The following DNAJC1 variants were observed in gnomAD, a reference collection of about 807,000 sequenced individuals.
DNAJC1 encodes the protein dnaJ homolog subfamily C member 1.
DNAJC1 carries 58 observed loss-of-function variants against 76.6 expected under a neutral mutation model. The ratio of observed to expected loss-of-function variants is 0.76; its 90% CI spans 0.61 to 0.94. The LOEUF is 0.94. DNAJC1 is among the 40% of genes least tolerant of loss of function. The pLI, the probability that DNAJC1 is intolerant of heterozygous loss-of-function variation, is 0.00. For synonymous variants in DNAJC1, 258 were observed against 267.9 expected (o/e 0.96, Z 0.36); for missense variants, 689 against 677.3 (o/e 1.02, Z -0.19).
intron 8 of DNAJC1, among the ~76,000 whole-genome samples, chr10:21,819,121 G>A (rs1426013477): frequency 6.6e-6 from 1 of 152,142 alleles, no homozygotes; most frequent in Non-Finnish European, 1.5e-5. Context: ...AAAAGGTTTG[G>A]GCCAGGCGCG....
At chr10:21,889,062 A>T (rs1468351129) in intron 7 of DNAJC1, among the ~76,000 whole-genome samples, 1 of 152,190 alleles carries the variant, frequency 6.6e-6, no homozygotes, top group Non-Finnish European at 1.5e-5. Flanking sequence ...GGTAACTGAT[A>T]AAGAAAAGAG....
At chr10:21,891,857 T>A (rs1202094114) in intron 7 of DNAJC1, among the ~76,000 whole-genome samples, 1 of 152,016 alleles carries the variant, frequency 6.6e-6, no homozygotes, top group Non-Finnish European at 1.5e-5. Context: ...AGAAAATATA[T>A]TGGACAACAA....
intron 1 of DNAJC1, chr10:21,933,400 C>T (rs1837258134): frequency 6.6e-6 from 1 of 152,448 alleles, no homozygotes; most frequent in African/African-American, 2.4e-5. Context: ...GGCAGACAGA[C>T]TGAAAAGTGA....
intron 6 of DNAJC1, among the ~76,000 whole-genome samples, chr10:21,910,677 T>A (rs561662941): frequency 6.6e-6 from 1 of 151,772 alleles, no homozygotes; most frequent in South Asian, 2.1e-4. Flanking sequence ...GGGAAGAGGG[T>A]GAGCTTCAGG....
chr10:21,946,049 CTTTT>C (rs71510915), intron 1 of DNAJC1, among the ~76,000 whole-genome samples: 2 of 93,302 alleles, frequency 2.1e-5, no homozygotes, highest in African/African-American at 8.6e-5. Context: ...TTCTTTTCCT[CTTTT>C]TTTTTTTTTT....
At position 21,919,899 on chromosome 10, in the gene DNAJC1, T is replaced by G; in HGVS notation, c.568A>C (p.Lys190Gln). ...CTCTTGCTGCCAGTCTTTTTTTTCT[T>G]TTCTCTCTTTTTTCTACTTAGTAGT... ...DELLSRKKREKKKKTGSKSVD... is the reference protein window; with the variant it reads ...DELLSRKKREQKKKTGSKSVD... The change falls in exon 5 of 12, where the codon AAG becomes CAG. Residue 190 changes from lysine (K) to glutamine (Q), a missense_variant. By Grantham distance (53) the Lys-to-Gln change is moderately conservative. Transcript: ENST00000376980. 6.2e-7 allele frequency: 1 copy of G among 1,607,380 alleles called. No homozygotes were observed. Among genetic ancestry groups the G allele is most frequent in the Non-Finnish European group, 8.5e-7 (1 of 1,178,282 alleles).
chr10:21,853,824 A>G (rs908584041), intron 8 of DNAJC1, among the ~76,000 whole-genome samples: 4 of 146,178 alleles, frequency 2.7e-5, no homozygotes, highest in African/African-American at 7.7e-5. Context: ...AAAGACTATC[A>G]CTGGGGAAAC....
intron 7 of DNAJC1, among the ~76,000 whole-genome samples, chr10:21,891,501 G>GAAAAGA (rs1836462870): frequency 2.5e-5 from 3 of 118,486 alleles, no homozygotes; most frequent in African/African-American, 9.4e-5. Context: ...AAAAAGAAAA[G>GAAAAGA]AAAAAAAAAA....
intron 8 of DNAJC1, among the ~76,000 whole-genome samples, chr10:21,819,177 G>A (rs1274899925): frequency 6.6e-6 from 1 of 152,190 alleles, no homozygotes; most frequent in African/African-American, 2.4e-5. Flanking sequence ...GCCAAGGCAG[G>A]TGATCACGAG....
chr10:21,909,397 A>T (rs1366005579), intron 6 of DNAJC1, among the ~76,000 whole-genome samples: 1 of 152,242 alleles, frequency 6.6e-6, no homozygotes, highest in Non-Finnish European at 1.5e-5. Context: ...GTACATTATT[A>T]GGATATGTGG....
intron 1 of DNAJC1, among the ~76,000 whole-genome samples, chr10:21,976,666 A>C (rs1337942993): frequency 6.6e-6 from 1 of 152,228 alleles, no homozygotes; most frequent in African/African-American, 2.4e-5. Flanking sequence ...CAGAAGTCTG[A>C]AAAGGTTACC....
chr10:21,852,746 C>T (rs894637221), intron 8 of DNAJC1, among the ~76,000 whole-genome samples: 6 of 150,558 alleles, frequency 4.0e-5, no homozygotes, highest in African/African-American at 1.2e-4. Context: ...ATTGAACTAA[C>T]GAAGTACCCA....
chr10:21,813,222 A>ATCTCTCTCTCTCTCTC (rs1835013434), intron 8 of DNAJC1, among the ~76,000 whole-genome samples: 1 of 76,908 alleles, frequency 1.3e-5, no homozygotes, highest in African/African-American at 5.3e-5. Flanking sequence ...CTCTCTCTCT[A>ATCTCTCTCTCTCTCTC]TATATATATA....
rs558150171 is a variant in DNAJC1, at chr10:21,757,420, C to T, written c.1597-665G>A. On this transcript the variant is annotated intron_variant, in intron 11 of 11. Coordinates refer to ENST00000376980, the MANE Select transcript of DNAJC1 (RefSeq NM_022365.4). ...TCACAGGAACTTTCCAGAATCTATTCTGTTTCTGTTCCAAAAATAATGACC... is the reference window on the plus strand; with the variant it reads ...TCACAGGAACTTTCCAGAATCTATTTTGTTTCTGTTCCAAAAATAATGACC... Among the ~76,000 whole-genome samples, 4 of 152,326 alleles carry T rather than the reference C, an allele frequency of 2.6e-5. No homozygotes were observed. In the South Asian group the frequency reaches 8.3e-4, roughly 32 times the overall value.
chr10:21,965,027 T>C (rs1489277346), intron 1 of DNAJC1, among the ~76,000 whole-genome samples: 8 of 152,122 alleles, frequency 5.3e-5, no homozygotes, highest in Admixed American at 4.6e-4. Context: ...GTATAACAAT[T>C]CTCAAAAATA....
chr10:21,762,442 C>T (rs1834252677), intron 10 of DNAJC1, among the ~76,000 whole-genome samples: 1 of 152,180 alleles, frequency 6.6e-6, no homozygotes, highest in Non-Finnish European at 1.5e-5. Flanking sequence ...CTTTGAATGG[C>T]CATCCTAGTT....
intron 8 of DNAJC1, among the ~76,000 whole-genome samples, chr10:21,813,210 CTCTCTCTCTCTATATATATATATA>C (rs1835010649): frequency 1.6e-5 from 1 of 61,472 alleles, no homozygotes; most frequent in Non-Finnish European, 2.8e-5. Context: ...CTCTCTCTCT[CTCTCTCTCTCTATATATATATATA>C]TATATATATA....
chr10:21,830,331 A>G (rs897616913), intron 8 of DNAJC1, among the ~76,000 whole-genome samples: 1 of 152,146 alleles, frequency 6.6e-6, no homozygotes, highest in African/African-American at 2.4e-5. Flanking sequence ...AAATATCTTT[A>G]TTTTATTCCT....
chr10:21,943,886 T>G (rs1029767448), intron 1 of DNAJC1, among the ~76,000 whole-genome samples: 2 of 151,840 alleles, frequency 1.3e-5, no homozygotes, highest in African/African-American at 2.4e-5. Context: ...CAAATGTTGG[T>G]TTCAAATCCA....
Sources: gnomAD v4.1 joint callset for allele counts (sites outside exome capture counted in the v4.1 genomes callset) on GRCh38, gnomAD v4.1.1 for gene constraint, MANE v1.5 for transcripts, NCBI Gene and HGNC (gene_info 2026-07-23, HGNC 2026-07-21) for gene names.